The following NR6A1 variants were observed in gnomAD, a reference collection of about 807,000 sequenced individuals.
The protein encoded by NR6A1 is nuclear receptor subfamily 6 group A member 1, also known as retinoic acid receptor-related testis-associated receptor.
In NR6A1, 7 loss-of-function variants were observed where a neutral mutation model predicts 59.1. The ratio of observed to expected loss-of-function variants is 0.12; its 90% CI spans 0.07 to 0.22. The LOEUF (loss-of-function observed/expected upper bound fraction) is 0.22. Ranked by LOEUF, NR6A1 falls within the 10% of genes least tolerant of loss-of-function variation. NR6A1 has a pLI of 1.00. For missense variants in NR6A1, 468 were observed against 611.6 expected (o/e 0.77, Z 2.48); for synonymous variants, 243 against 236.1 (o/e 1.03, Z -0.27).
intron 2 of NR6A1, among the ~76,000 whole-genome samples, chr9:124,567,135 G>A (rs939707806): frequency 2.0e-5 from 3 of 151,556 alleles, no homozygotes; most frequent in African/African-American, 7.3e-5. Context: ...TAAAAATAAA[G>A]AGAGGACAAC....
At chr9:124,760,419 T>C (rs1449109824) in intron 1 of NR6A1, among the ~76,000 whole-genome samples, 1 of 152,170 alleles carries the variant, frequency 6.6e-6, no homozygotes, top group African/African-American at 2.4e-5. Flanking sequence ...CTCTAATCAA[T>C]AAAAGTTGAA....
At chr9:124,755,831 CAATT>C (rs1235784992) in intron 1 of NR6A1, among the ~76,000 whole-genome samples, 1 of 152,144 alleles carries the variant, frequency 6.6e-6, no homozygotes, top group Admixed American at 6.5e-5. Flanking sequence ...TTTTAAGAAT[CAATT>C]AAACTGTTAC....
At chr9:124,589,812 A>ATCC (rs1165456628) in intron 2 of NR6A1, among the ~76,000 whole-genome samples, 1 of 152,110 alleles carries the variant, frequency 6.6e-6, no homozygotes, top group Non-Finnish European at 1.5e-5. Flanking sequence ...CATGCCTGTA[A>ATCC]TCCCACCACT....
intron 2 of NR6A1, among the ~76,000 whole-genome samples, chr9:124,615,453 T>C (rs1471652966): frequency 6.6e-6 from 1 of 152,218 alleles, no homozygotes; most frequent in African/African-American, 2.4e-5. Flanking sequence ...CATGTGTATA[T>C]GGTGAATTCT....
chr9:124,623,192 G>C (rs2130864373), intron 2 of NR6A1, among the ~76,000 whole-genome samples: 1 of 152,156 alleles, frequency 6.6e-6, no homozygotes, highest in Non-Finnish European at 1.5e-5. Context: ...AAGGAAGGTA[G>C]GGATATGATG....
chr9:124,738,617 C>T (rs1840083473), intron 1 of NR6A1, among the ~76,000 whole-genome samples: 1 of 152,014 alleles, frequency 6.6e-6, no homozygotes, highest in Non-Finnish European at 1.5e-5. Context: ...GCCTGTAATC[C>T]CAGCATTTGG....
chr9:124,713,386 GA>G (rs1198331882), intron 2 of NR6A1, among the ~76,000 whole-genome samples: 1 of 151,664 alleles, frequency 6.6e-6, no homozygotes, highest in South Asian at 2.1e-4. Flanking sequence ...GGCAACAAAA[GA>G]AAAAACTGCT....
chr9:124,735,371 A>G (rs1839994529), intron 1 of NR6A1, among the ~76,000 whole-genome samples: 1 of 152,242 alleles, frequency 6.6e-6, no homozygotes, highest in Non-Finnish European at 1.5e-5. Context: ...TCCACTAGAC[A>G]GTGAAATCTT....
rs542312261 is a variant in NR6A1 at position 124,577,440 on chromosome 9, G to A, written c.143-22870C>T. Among the ~76,000 whole-genome samples, 58 of 152,260 alleles carry A rather than the reference G, an allele frequency of 3.8e-4. 1 individual carries two copies. Among genetic ancestry groups the A allele is most frequent in the African/African-American group, 1.3e-3 (54 of 41,548 alleles). ...TGATAAGAGTATTACTGACTCTGAG[G>A]GTTGGTGTTTGTTATATATCTCAGT... On this transcript the variant is annotated intron_variant, in intron 2 of 9. Coordinates refer to ENST00000487099, the MANE Select transcript of NR6A1 (RefSeq NM_033334.4).
At chr9:124,632,457 G>A (rs1193892300) in intron 2 of NR6A1, among the ~76,000 whole-genome samples, 1 of 152,218 alleles carries the variant, frequency 6.6e-6, no homozygotes, top group Non-Finnish European at 1.5e-5. Flanking sequence ...TTGGCCACAT[G>A]TATGTCTTTT....
chr9:124,577,594 G>A (rs1372441596), intron 2 of NR6A1, among the ~76,000 whole-genome samples: 1 of 152,184 alleles, frequency 6.6e-6, no homozygotes, highest in Non-Finnish European at 1.5e-5. Flanking sequence ...GTCCAGAAAA[G>A]GAAAGTAATT....
At chr9:124,626,115 C>T (rs1836234426) in intron 2 of NR6A1, among the ~76,000 whole-genome samples, 1 of 152,246 alleles carries the variant, frequency 6.6e-6, no homozygotes, top group Non-Finnish European at 1.5e-5. Flanking sequence ...AAGCAATTCT[C>T]CTGCGTCAGC....
At chr9:124,732,662 T>C (rs1247984381) in intron 2 of NR6A1, among the ~76,000 whole-genome samples, 2 of 152,166 alleles carry the variant, frequency 1.3e-5, no homozygotes, top group African/African-American at 4.8e-5. Flanking sequence ...TGTTTGTGAG[T>C]ATACAGTTGT....
chr9:124,767,513 G>GAAAAAAAAAAAAAAAAAAAAAA (rs951834728), intron 1 of NR6A1, among the ~76,000 whole-genome samples: 1 of 76,456 alleles, frequency 1.3e-5, no homozygotes, highest in African/African-American at 4.2e-5. Context: ...TACAAAAAAA[G>GAAAAAAAAAAAAAAAAAAAAAA]AAAAAAAAAA....
intron 2 of NR6A1, among the ~76,000 whole-genome samples, chr9:124,570,787 G>A (rs979189949): frequency 2.0e-5 from 3 of 152,184 alleles, no homozygotes; most frequent in South Asian, 2.1e-4. Context: ...AATATAAATC[G>A]TTCTCAGTGG....
intron 2 of NR6A1, among the ~76,000 whole-genome samples, chr9:124,623,086 A>T (rs893921638): frequency 3.3e-5 from 5 of 152,158 alleles, no homozygotes; most frequent in African/African-American, 1.2e-4. Context: ...ATCCCTGTAG[A>T]GGTTGGCAGG....
intron 2 of NR6A1, among the ~76,000 whole-genome samples, chr9:124,680,082 GTGTA>G (rs748763680): frequency 3.3e-4 from 47 of 141,646 alleles, no homozygotes; most frequent in African/African-American, 1.1e-3. Context: ...ATGTGTCTGT[GTGTA>G]TGTATGTGTG....
At chr9:124,730,055 C>G (rs910059480) in intron 2 of NR6A1, among the ~76,000 whole-genome samples, 2 of 152,058 alleles carry the variant, frequency 1.3e-5, no homozygotes, top group Non-Finnish European at 2.9e-5. Context: ...TCGGGTGATC[C>G]GCCTGCCTCA....
chr9:124,538,777 T>C (rs73579815), intron 5 of NR6A1, among the ~76,000 whole-genome samples: 2,763 of 152,026 alleles, frequency 0.018, 76 homozygotes, highest in African/African-American at 0.062. Flanking sequence ...ACCCCCTAAA[T>C]AGTCCAAGGA....
Sources: gnomAD v4.1 joint callset for allele counts (sites outside exome capture counted in the v4.1 genomes callset) on GRCh38, gnomAD v4.1.1 for gene constraint, MANE v1.5 for transcripts, NCBI Gene and HGNC (gene_info 2026-07-23, HGNC 2026-07-21) for gene names.